KCNIP4: variants seen among roughly 807,000 people sequenced by gnomAD.
The protein encoded by KCNIP4 is Kv channel-interacting protein 4.
Under a neutral mutation model 34.0 loss-of-function variants are expected in KCNIP4, and 12 were observed. The ratio of observed to expected loss-of-function variants is 0.35; its 90% CI spans 0.23 to 0.57. KCNIP4 has a LOEUF of 0.57. Among genes scored for constraint, KCNIP4 ranks in the 20% least tolerant of loss-of-function variants. KCNIP4 has a pLI of 0.83. For synonymous variants in KCNIP4, 124 were observed against 102.2 expected (o/e 1.21, Z -1.29); for missense variants, 238 against 311.7 (o/e 0.76, Z 1.78).
At chr4:21,315,099 T>A (rs949013954) in intron 1 of KCNIP4, among the ~76,000 whole-genome samples, 5 of 152,168 alleles carry the variant, frequency 3.3e-5, no homozygotes, top group African/African-American at 1.2e-4. Flanking sequence ...TCTTTCAGTC[T>A]CAGTTACATT....
At chr4:21,029,324 T>C (rs1326159800) in intron 1 of KCNIP4, among the ~76,000 whole-genome samples, 1 of 152,172 alleles carries the variant, frequency 6.6e-6, no homozygotes, top group African/African-American at 2.4e-5. Flanking sequence ...AAAGTTGTTA[T>C]ATTCGTTCCT....
At chr4:21,203,151 C>T (rs1756607403) in intron 1 of KCNIP4, among the ~76,000 whole-genome samples, 1 of 152,192 alleles carries the variant, frequency 6.6e-6, no homozygotes, top group Non-Finnish European at 1.5e-5. Flanking sequence ...GCTTGTGCCA[C>T]CCACTTGCAT....
chr4:21,338,606 C>CAAAA lies in KCNIP4; in HGVS notation c.62-455901_62-455898dup, dbSNP rs11454380. Among the ~76,000 whole-genome samples, 517 of 139,292 alleles carry CAAAA rather than the reference C, an allele frequency of 3.7e-3. 2 individuals carry two copies. The highest frequency in any genetic ancestry group is 0.013 in the African/African-American group (484 of 37,900). 91.4% of individuals were successfully genotyped at this position (139,292 alleles called of 152,430 possible). A position where few individuals can be genotyped will look rare whatever the true frequency, so the allele number is the denominator to read the frequency against. Reference sequence around the variant, plus strand: ...TAGGTGACAGAGTGAGACTCTGCTTCAAAAAAAAAACAAAAAACAAAAATA... The same window carrying CAAAA: ...TAGGTGACAGAGTGAGACTCTGCTTCAAAAAAAAAAAAAACAAAAAACAAAAATA... On this transcript the variant is annotated intron_variant, in intron 1 of 8. Coordinates refer to ENST00000382152, the MANE Select transcript of KCNIP4 (RefSeq NM_025221.6).
chr4:21,512,890 A>G (rs1443083243), intron 1 of KCNIP4, among the ~76,000 whole-genome samples: 2 of 152,248 alleles, frequency 1.3e-5, no homozygotes, highest in Non-Finnish European at 1.5e-5. Context: ...TTATTAAACA[A>G]TGAACACAAT....
chr4:21,553,222 T>C (rs965110270), intron 1 of KCNIP4, among the ~76,000 whole-genome samples: 4 of 152,038 alleles, frequency 2.6e-5, no homozygotes, highest in Admixed American at 2.6e-4. Context: ...TGCAGAAAGA[T>C]CAGAAACGTT....
At chr4:20,917,608 T>G (rs1011145785) in intron 1 of KCNIP4, among the ~76,000 whole-genome samples, 1 of 152,050 alleles carries the variant, frequency 6.6e-6, no homozygotes, top group Non-Finnish European at 1.5e-5. Context: ...GAGAAAAAAT[T>G]TTTTTTAAAA....
At chr4:21,026,199 T>C (rs1740545651) in intron 1 of KCNIP4, among the ~76,000 whole-genome samples, 1 of 152,216 alleles carries the variant, frequency 6.6e-6, no homozygotes, top group African/African-American at 2.4e-5. Context: ...GACTGAGATC[T>C]AGATATTGTT....
chr4:21,166,666 CG>C (rs1307772118), intron 1 of KCNIP4, among the ~76,000 whole-genome samples: 1 of 151,494 alleles, frequency 6.6e-6, no homozygotes, highest in East Asian at 2.0e-4. Flanking sequence ...TGGCCTGGTG[CG>C]GTGGCTCACG....
At chr4:21,147,962 A>AAAAAAAAAAAAAG (rs1553945858) in intron 1 of KCNIP4, among the ~76,000 whole-genome samples, 18 of 123,888 alleles carry the variant, frequency 1.5e-4, no homozygotes, top group South Asian at 2.8e-4. Context: ...AAAAAAAAAG[A>AAAAAAAAAAAAAG]AAAAAAGTTC....
intron 1 of KCNIP4, among the ~76,000 whole-genome samples, chr4:20,950,443 A>C (rs907627167): frequency 6.6e-6 from 1 of 152,158 alleles, no homozygotes; most frequent in Non-Finnish European, 1.5e-5. Context: ...AGAATGAATA[A>C]GCCTGAGTTG....
chr4:21,756,141 A>G (rs548582909), intron 1 of KCNIP4, among the ~76,000 whole-genome samples: 1 of 152,272 alleles, frequency 6.6e-6, no homozygotes, highest in African/African-American at 2.4e-5. Context: ...TTCTTTCCCA[A>G]TTCCTAAAGA....
intron 1 of KCNIP4, among the ~76,000 whole-genome samples, chr4:21,603,422 G>C (rs532799804): frequency 1.3e-5 from 2 of 152,226 alleles, no homozygotes; most frequent in East Asian, 3.9e-4. Flanking sequence ...GAAGGAAATA[G>C]AGAAAGAATG....
chr4:21,133,749 G>A (rs1751281922), intron 1 of KCNIP4, among the ~76,000 whole-genome samples: 1 of 152,096 alleles, frequency 6.6e-6, no homozygotes, highest in Non-Finnish European at 1.5e-5. Flanking sequence ...TGTGATCTCA[G>A]TGAAACTCAT....
At chr4:21,780,269 T>G (rs1460166867) in intron 1 of KCNIP4, among the ~76,000 whole-genome samples, 1 of 152,140 alleles carries the variant, frequency 6.6e-6, no homozygotes, top group African/African-American at 2.4e-5. Flanking sequence ...CAGGAAGCAA[T>G]ATGATTTGCT....
intron 3 of KCNIP4, among the ~76,000 whole-genome samples, chr4:20,842,369 G>C (rs1042521321): frequency 6.6e-6 from 1 of 152,074 alleles, no homozygotes; most frequent in Non-Finnish European, 1.5e-5. Flanking sequence ...GCTGCAGGCA[G>C]TTCCTTCTGG....
intron 1 of KCNIP4, among the ~76,000 whole-genome samples, chr4:21,498,354 G>A (rs972552718): frequency 1.3e-5 from 2 of 152,102 alleles, no homozygotes; most frequent in African/African-American, 2.4e-5. Flanking sequence ...CTGAAAGCCT[G>A]TGGTGTTTGT....
At chr4:21,669,227 G>A (rs1426609383) in intron 1 of KCNIP4, among the ~76,000 whole-genome samples, 1 of 151,128 alleles carries the variant, frequency 6.6e-6, no homozygotes, top group African/African-American at 2.4e-5. Flanking sequence ...CCGAGCTCAG[G>A]TGATCCTCCT....
intron 1 of KCNIP4, among the ~76,000 whole-genome samples, chr4:21,530,093 G>T (rs1344412589): frequency 3.9e-5 from 6 of 152,088 alleles, no homozygotes; most frequent in Admixed American, 1.3e-4. Context: ...GCAGTATAAG[G>T]TGTCATGACC....
At chr4:21,519,374 G>A (rs1255798607) in intron 1 of KCNIP4, among the ~76,000 whole-genome samples, 3 of 116,892 alleles carry the variant, frequency 2.6e-5, no homozygotes, top group Non-Finnish European at 5.5e-5. Flanking sequence ...ACACACACAC[G>A]TATATGTATG....
Sources: gnomAD v4.1 joint callset for allele counts (sites outside exome capture counted in the v4.1 genomes callset) on GRCh38, gnomAD v4.1.1 for gene constraint, MANE v1.5 for transcripts, NCBI Gene and HGNC (gene_info 2026-07-23, HGNC 2026-07-21) for gene names.